Variants in HMCN1 observed in about 807,000 individuals in gnomAD.
The protein encoded by HMCN1 is hemicentin 1, also known as hemicentin-1.
In HMCN1, 321 loss-of-function variants were observed where a neutral mutation model predicts 625.9. That is an observed-to-expected ratio of 0.51 (90% CI 0.47 to 0.56). The LOEUF (loss-of-function observed/expected upper bound fraction) is 0.56. Among genes scored for constraint, HMCN1 ranks in the 20% least tolerant of loss-of-function variants. The pLI, the probability that HMCN1 is intolerant of heterozygous loss-of-function variation, is 0.00. For synonymous variants in HMCN1, 2,425 were observed against 2,417.6 expected, an observed-to-expected ratio of 1.00 and a Z score of -0.09; for missense variants, 6,588 against 6,887.3, an observed-to-expected ratio of 0.96 and a Z score of 1.54.
At chr1:185,783,975 T>C (rs982872955) in intron 1 of HMCN1, among the ~76,000 whole-genome samples, 11 of 152,224 alleles carry the variant, frequency 7.2e-5, no homozygotes, top group Admixed American at 2.0e-4. Context: ...CAGCCTCCTT[T>C]AGCTGCGGTG....
In HMCN1 at chr1:186,095,351, C is replaced by G. The variant is rs201041141; in HGVS notation, c.10403C>G (p.Ala3468Gly). 9.3e-6 allele frequency: 15 copies of G among 1,613,716 alleles called. No individual in the cohort carries two copies. In the Admixed American group the frequency reaches 2.2e-4, roughly 23 times the overall value. The change falls in exon 68 of 107, where the codon GCC becomes GGC. Residue 3468 changes from alanine to glycine, a missense_variant. Physicochemically the swap from Ala to Gly is moderately conservative, Grantham distance 60 (BLOSUM62 0). This residue lies in a region of HMCN1 where 4,628 missense variants were observed against 4,853.1 expected (regional missense o/e 0.95). Transcript: ENST00000271588. The part of the protein sequence containing the change: ...ITDGTPAPSM[A>G]WLRDGQPLGL... ...GATGGAACCCCAGCTCCCAGTATGG[C>G]CTGGCTTAGAGATGGCCAGCCTCTG... is the stretch of plus-strand genomic sequence containing the variant.
intron 64 of HMCN1, among the ~76,000 whole-genome samples, chr1:186,092,407 G>C (rs1470957540): frequency 6.6e-6 from 1 of 151,784 alleles, no homozygotes; most frequent in Non-Finnish European, 1.5e-5. Context: ...TTAATAACAA[G>C]ATATAATAGA....
intron 4 of HMCN1, among the ~76,000 whole-genome samples, chr1:185,892,324 C>G (rs1015931909): frequency 6.6e-6 from 1 of 152,044 alleles, no homozygotes; most frequent in African/African-American, 2.4e-5. Flanking sequence ...CAAAGTCATT[C>G]TCCGTCCAGC....
At chr1:185,980,091 A>G (rs1409666703) in intron 16 of HMCN1, among the ~76,000 whole-genome samples, 2 of 152,158 alleles carry the variant, frequency 1.3e-5, no homozygotes, top group African/African-American at 2.4e-5. Flanking sequence ...AAAATTCTAT[A>G]TATTTGATCT....
At chr1:186,065,196 A>G in intron 48 of HMCN1, 42 bp from the exon 49 acceptor site, 1 of 1,506,048 alleles carries the variant, frequency 6.6e-7, no homozygotes, top group African/African-American at 1.4e-5. Flanking sequence ...TTCATTCTAT[A>G]CATGTAATTA....
chr1:185,867,168 C>A (rs1663308497), intron 4 of HMCN1, among the ~76,000 whole-genome samples: 1 of 152,138 alleles, frequency 6.6e-6, no homozygotes, highest in African/African-American at 2.4e-5. Flanking sequence ...TAAAATTAAT[C>A]TTAAAAATGT....
At chr1:185,988,282 AAAG>A (rs1652145360) in intron 20 of HMCN1, among the ~76,000 whole-genome samples, 1 of 152,244 alleles carries the variant, frequency 6.6e-6, no homozygotes, top group South Asian at 2.1e-4. Flanking sequence ...TTCTTGCAGT[AAAG>A]AAAAGCCCAT....
intron 81 of HMCN1, among the ~76,000 whole-genome samples, chr1:186,124,631 T>A (rs1270910286): frequency 6.6e-6 from 1 of 152,082 alleles, no homozygotes; most frequent in African/African-American, 2.4e-5. Flanking sequence ...GTTTGTATAT[T>A]TAATCATATA....
intron 6 of HMCN1, among the ~76,000 whole-genome samples, chr1:185,918,571 C>T (rs572991064): frequency 6.6e-6 from 1 of 152,250 alleles, no homozygotes; most frequent in South Asian, 2.1e-4. Flanking sequence ...TCCTTCAATC[C>T]AATCAAGCTG....
intron 4 of HMCN1, among the ~76,000 whole-genome samples, chr1:185,901,384 G>T (rs1665796449): frequency 6.6e-6 from 1 of 151,390 alleles, no homozygotes; most frequent in South Asian, 2.1e-4. Context: ...TCTTTCAAAG[G>T]TAGAAATGAG....
intron 11 of HMCN1, among the ~76,000 whole-genome samples, chr1:185,953,455 C>T (rs150739884): frequency 0.014 from 2,162 of 151,746 alleles, 23 homozygotes; most frequent in Non-Finnish European, 0.023. Flanking sequence ...TTTGGGTCCA[C>T]GGATAAAACG....
chr1:186,122,835 G>A, intron 80 of HMCN1, 116 bp from the exon 81 acceptor site: 1 of 1,091,796 alleles, frequency 9.2e-7, no homozygotes, highest in Non-Finnish European at 1.3e-6. Flanking sequence ...TAATGATATG[G>A]TGAAGTCAGG....
chr1:186,142,245 AACATGCAGTATTTGGTTTTC>A (rs999374876), intron 89 of HMCN1, among the ~76,000 whole-genome samples: 4 of 152,118 alleles, frequency 2.6e-5, no homozygotes, highest in African/African-American at 9.7e-5. Context: ...TATAAGTGAG[AACATGCAGTATTTGGTTTTC>A]TGTTCCTGAG....
chr1:185,982,441 C>CTTTTTTTTTTTTTTTTTTT, intron 18 of HMCN1, 52 bp downstream of exon 18: 1 of 1,227,428 alleles, frequency 8.1e-7, no homozygotes, highest in Non-Finnish European at 1.1e-6. Context: ...GTTTTCTTTT[C>CTTTTTTTTTTTTTTTTTTT]TTTTTTTTTT....
intron 1 of HMCN1, among the ~76,000 whole-genome samples, chr1:185,793,433 C>A (rs529510833): frequency 6.6e-6 from 1 of 152,258 alleles, no homozygotes; most frequent in African/African-American, 2.4e-5. Context: ...CTTGTAAGGT[C>A]TCTTGTGATT....
At chr1:185,827,128 T>TGCCACTGCACTCCA (rs1226714553) in intron 1 of HMCN1, among the ~76,000 whole-genome samples, 1 of 138,572 alleles carries the variant, frequency 7.2e-6, no homozygotes, top group African/African-American at 2.8e-5. Flanking sequence ...GCCGAGATCA[T>TGCCACTGCACTCCA]GCCACTGCAC....
chr1:185,911,558 T>C, intron 5 of HMCN1, 116 bp from the exon 6 acceptor site: 3 of 833,100 alleles, frequency 3.6e-6, no homozygotes, highest in Non-Finnish European at 6.3e-6. Flanking sequence ...TGGTAAAAAA[T>C]GAGCCAGTGT....
At chr1:186,062,383 A>C in intron 47 of HMCN1, 131 bp from the exon 48 acceptor site, 1 of 689,078 alleles carries the variant, frequency 1.5e-6, no homozygotes, top group East Asian at 2.7e-5. Flanking sequence ...ACATTCTAGC[A>C]ATCAAATAAT....
chr1:185,856,478 A>G (rs1662472218), intron 2 of HMCN1, among the ~76,000 whole-genome samples: 2 of 141,332 alleles, frequency 1.4e-5, no homozygotes, highest in African/African-American at 5.3e-5. Flanking sequence ...ACAGAGCTAG[A>G]CCCTGTCTCA....
Sources: gnomAD v4.1 joint callset for allele counts (sites outside exome capture counted in the v4.1 genomes callset) on GRCh38, gnomAD v4.1.1 for gene constraint, gnomAD v4.1.1 regional missense constraint, MANE v1.5 for transcripts, NCBI Gene and HGNC (gene_info 2026-07-23, HGNC 2026-07-21) for gene names.